Variants in LRP5 observed in about 807,000 individuals in gnomAD.
LRP5 encodes LDL receptor related protein 5, also known as low-density lipoprotein receptor-related protein 5.
A neutral mutation model predicts 154.1 loss-of-function variants in LRP5; 62 were observed. That is an observed-to-expected ratio of 0.40 (90% CI 0.33 to 0.50). The LOEUF is 0.50. LRP5 is among the 20% of genes least tolerant of loss of function. The probability of loss-of-function intolerance (pLI) is 0.55; values close to 1 mark genes in which losing one functional copy is unlikely to be tolerated. For synonymous variants in LRP5, 966 were observed against 1,011.5 expected (o/e 0.96, Z 0.85); for missense variants, 1,915 against 2,336.7 (o/e 0.82, Z 3.72).
intron 5 of LRP5, among the ~76,000 whole-genome samples, chr11:68,366,545 T>C (rs898783616): frequency 5.3e-5 from 8 of 152,090 alleles, no homozygotes; most frequent in African/African-American, 1.9e-4. Flanking sequence ...CTGGGGTGTG[T>C]GTGTGGTCGT....
Position 68,449,201 on chromosome 11 carries a change from G to T in LRP5, c.*131G>T. ...TTTAAAAACATGAGAAATGTGAACT[G>T]TGATGGGGTGGGCAGGGCTGGGAGA... is the stretch of plus-strand genomic sequence containing the variant. On this transcript the variant is annotated 3_prime_UTR_variant, in exon 23 of 23. Coordinates refer to ENST00000294304, the MANE Select transcript of LRP5 (RefSeq NM_002335.4). The T allele has an allele frequency of 9.6e-6, 5 of 520,524 alleles. No individual in the cohort carries two copies. Among genetic ancestry groups the T allele is most frequent in the Non-Finnish European group, 1.6e-5 (5 of 320,642 alleles). The allele number at this position is 520,524 out of a possible 1,614,324, so 32.2% of individuals were successfully genotyped here. A position where few individuals can be genotyped will look rare whatever the true frequency, so the allele number is the denominator to read the frequency against.
intron 1 of LRP5, among the ~76,000 whole-genome samples, chr11:68,317,417 A>G (rs2098594053): frequency 6.6e-6 from 1 of 152,102 alleles, no homozygotes; most frequent in Non-Finnish European, 1.5e-5. Flanking sequence ...CCAGATGGGG[A>G]CCAGGAGGTG....
intron 18 of LRP5, among the ~76,000 whole-genome samples, chr11:68,436,540 G>A (rs979288550): frequency 2.7e-5 from 4 of 148,392 alleles, no homozygotes; most frequent in Non-Finnish European, 4.4e-5. Context: ...GGCCATTCCT[G>A]TCCTTGGCAC....
chr11:68,381,625 C>T (rs1221613214), intron 5 of LRP5, among the ~76,000 whole-genome samples: 2 of 152,188 alleles, frequency 1.3e-5, no homozygotes, highest in Admixed American at 1.3e-4. Flanking sequence ...GAAGGTTTCA[C>T]TTTCAGGCAA....
chr11:68,409,236 ATATT>A (rs2098657947), intron 9 of LRP5, among the ~76,000 whole-genome samples: 1 of 140,484 alleles, frequency 7.1e-6, no homozygotes, highest in African/African-American at 2.6e-5. Flanking sequence ...TATAAAATAT[ATATT>A]ATATAATATA....
chr11:68,394,123 G>A (rs1243694619), intron 7 of LRP5, among the ~76,000 whole-genome samples: 2 of 152,140 alleles, frequency 1.3e-5, no homozygotes, highest in Non-Finnish European at 2.9e-5. Context: ...TGAGAACACC[G>A]AAGCTCAAAA....
intron 12 of LRP5, 139 bp downstream of exon 12, chr11:68,414,151 G>A: frequency 4.9e-6 from 4 of 821,846 alleles, no homozygotes; most frequent in Non-Finnish European, 6.0e-6. Flanking sequence ...TGCACAAGCT[G>A]CATGATGCTA....
rs2098632837 is a variant in LRP5, at chr11:68,369,356, G to A, written c.1015+3654G>A. On this transcript the variant is annotated intron_variant, in intron 5 of 22. Transcript: ENST00000294304. ...TTGGTGATGTCTGCCTAAACACTGT[G>A]TTGCATCTGCTGGGGATGTCTGCCT... is the stretch of plus-strand genomic sequence containing the variant. Among the ~76,000 whole-genome samples, 4 of 152,088 alleles carry A rather than the reference G, an allele frequency of 2.6e-5. No homozygotes were observed. In the South Asian group the frequency reaches 8.3e-4, roughly 31 times the overall value.
chr11:68,390,010 G>A lies in LRP5; in HGVS notation c.1542G>A (p.Glu514=). ...WPNGLALDLQ[E]GKLYWGDAKT... ...ACGGCCTGGCCCTGGACCTGCAGGAGGGGAAGCTCTACTGGGGAGACGCCA... is the reference window on the plus strand; with the variant it reads ...ACGGCCTGGCCCTGGACCTGCAGGAAGGGAAGCTCTACTGGGGAGACGCCA... Residue 514 remains glutamate (E), a synonymous_variant, in exon 7 of 23, where the codon GAG becomes GAA. Coordinates refer to ENST00000294304, the MANE Select transcript of LRP5 (RefSeq NM_002335.4). 1.2e-6 allele frequency: 2 copies of A among 1,614,236 alleles called. No individual in the cohort carries two copies. Among genetic ancestry groups the A allele is most frequent in the Middle Eastern group, 1.6e-4 (1 of 6,062 alleles).
chr11:68,443,554 TATATATATATATATATATATATATATATA>T (rs1164935699), intron 21 of LRP5, among the ~76,000 whole-genome samples: 2 of 26,770 alleles, frequency 7.5e-5, no homozygotes, highest in African/African-American at 3.8e-4. Flanking sequence ...CATATATATA[TATATATATATATATATATATATATATATA>T]TATTTTTTTT....
At chr11:68,375,137 C>T (rs775876600) in intron 5 of LRP5, among the ~76,000 whole-genome samples, 24 of 152,240 alleles carry the variant, frequency 1.6e-4, no homozygotes, top group Non-Finnish European at 2.4e-4. Flanking sequence ...AACCCTTGTG[C>T]GGCTGCGGGC....
chr11:68,328,877 G>A (rs879654267), intron 1 of LRP5, among the ~76,000 whole-genome samples: 3 of 152,244 alleles, frequency 2.0e-5, no homozygotes, highest in Admixed American at 6.5e-5. Flanking sequence ...AGGACACGGC[G>A]CAGAGGTAGA....
chr11:68,351,918 A>C (rs887704430), intron 2 of LRP5, among the ~76,000 whole-genome samples: 4 of 152,116 alleles, frequency 2.6e-5, no homozygotes, highest in African/African-American at 9.7e-5. Flanking sequence ...CGGTCCAGGC[A>C]GAGGGATCAG....
chr11:68,336,404 C>G (rs2098605719), intron 1 of LRP5, among the ~76,000 whole-genome samples: 1 of 152,330 alleles, frequency 6.6e-6, no homozygotes, highest in East Asian at 1.9e-4. Context: ...CCAAGTCATT[C>G]TTTTTTGTAG....
chr11:68,329,022 A>G (rs1401222793), intron 1 of LRP5, among the ~76,000 whole-genome samples: 1 of 152,200 alleles, frequency 6.6e-6, no homozygotes, highest in African/African-American at 2.4e-5. Flanking sequence ...GCATGCACAC[A>G]CACATGTGCA....
chr11:68,428,061 C>T (rs183807529), intron 16 of LRP5, among the ~76,000 whole-genome samples: 211 of 151,366 alleles, frequency 1.4e-3, no homozygotes, highest in Non-Finnish European at 1.2e-3. Flanking sequence ...GGCGCGATCT[C>T]GGTTCACTGC....
chr11:68,364,445 C>G (rs1359407593), intron 4 of LRP5, among the ~76,000 whole-genome samples: 1 of 151,898 alleles, frequency 6.6e-6, no homozygotes, highest in Admixed American at 6.6e-5. Context: ...TTGTCTCAAA[C>G]TCCTGGGCTC....
chr11:68,321,066 T>G (rs1303933631), intron 1 of LRP5, among the ~76,000 whole-genome samples: 7 of 148,822 alleles, frequency 4.7e-5, no homozygotes, highest in African/African-American at 1.5e-4. Context: ...GGGTTTTTTT[T>G]TTTTTTTTTT....
At chr11:68,341,059 C>CCTTTTTTTTTTTT (rs1555071026) in intron 1 of LRP5, among the ~76,000 whole-genome samples, 18 of 83,490 alleles carry the variant, frequency 2.2e-4, no homozygotes, top group African/African-American at 6.7e-4. Flanking sequence ...GGAGATTGTT[C>CCTTTTTTTTTTTT]TTTTTTTTTT....
Sources: allele counts gnomAD v4.1 joint callset (sites outside exome capture counted in the v4.1 genomes callset), GRCh38; gene constraint gnomAD v4.1.1; transcripts MANE v1.5; gene names NCBI Gene and HGNC (gene_info 2026-07-23, HGNC 2026-07-21).